The following AMER2 variants were observed in gnomAD, a reference collection of about 807,000 sequenced individuals.
AMER2 encodes APC membrane recruitment protein 2.
A neutral mutation model predicts 4.7 loss-of-function variants in AMER2; 1 was observed. That is an observed-to-expected ratio of 0.21 (90% confidence interval 0.07 to 1.00). AMER2 has a LOEUF of 1.00. Ranked by LOEUF, AMER2 falls within the 50% of genes least tolerant of loss-of-function variation. AMER2 has a pLI of 0.60. For missense variants in AMER2, 988 were observed against 966.9 expected (o/e 1.02, Z -0.29); for synonymous variants, 485 against 433.3 (o/e 1.12, Z -1.48).
At position 25,162,875 on chromosome 13, in the gene AMER2, A is replaced by G. The variant is rs1956425576; in HGVS notation, c.*6729T>C. The G allele has an allele frequency of 6.6e-6, 1 of 152,214 alleles. No individual in the cohort carries two copies. The highest frequency in any genetic ancestry group is 1.5e-5 in the Non-Finnish European group (1 of 68,030). The allele number at this position is 152,214 out of a possible 1,614,324, so 9.4% of individuals were successfully genotyped here. The stretch of plus-strand genomic sequence containing the variant: ...GTTCTTGTGAAGAGTAAAGATAACA[A>G]TGTAAAAAAAGCACACAGCATCCTC... On this transcript the variant is annotated 3_prime_UTR_variant, in exon 1 of 1. Transcript: ENST00000515384.
chr13:25,165,473 T>C lies in AMER2; in HGVS notation c.*4131A>G, dbSNP rs1459748000. 1.3e-5 allele frequency: 2 copies of C among 152,238 alleles called. No individual in the cohort carries two copies. Among genetic ancestry groups the C allele is most frequent in the African/African-American group, 4.8e-5 (2 of 41,458 alleles). 9.4% of individuals were successfully genotyped at this position (152,238 alleles called of 1,614,324 possible). ...TTGGTTCCAAACTGCTTCATAAATA[T>C]TTTTGTGTGTAATGAATTGAAATTT... On this transcript the variant is annotated 3_prime_UTR_variant, in exon 1 of 1. Transcript: ENST00000515384.
At position 25,171,511 on chromosome 13, in the gene AMER2, C is replaced by G. The variant is rs753516298; in HGVS notation, c.109G>C (p.Gly37Arg). 4.4e-6 allele frequency: 7 copies of G among 1,601,158 alleles called. No individual in the cohort carries two copies. Among genetic ancestry groups the G allele is most frequent in the Admixed American group, 3.4e-5 (2 of 59,352 alleles). The change falls in exon 1 of 1, where the codon GGG becomes CGG. Residue 37 changes from glycine to arginine, a missense_variant. Coordinates refer to ENST00000515384, the MANE Select transcript of AMER2 (RefSeq NM_152704.4). The surrounding 1 kb of genome is among the most constrained non-coding windows in gnomAD (Gnocchi z 5.9). ...AAGTCCATGTCTGCCGCGAGGGTCC[C>G]GGTCCCGGCCCCGGCCTCCGCCTTC... ...RRKAEAGAGT[G>R]TLAADMDLHC...
chr13:25,171,655 T>C lies in AMER2; in HGVS notation c.-36A>G, dbSNP rs758111613. ...CGGGATAAGCCGCTTTCGTCAGCAGTGGGCTCGCGCCAGGCCACTGTCACC... is the reference window on the plus strand; with the variant it reads ...CGGGATAAGCCGCTTTCGTCAGCAGCGGGCTCGCGCCAGGCCACTGTCACC... On this transcript the variant is annotated 5_prime_UTR_variant, in exon 1 of 1. Coordinates refer to ENST00000515384, the MANE Select transcript of AMER2 (RefSeq NM_152704.4). This position sits in a 1 kb window ranked among gnomAD's most constrained non-coding sequence, Gnocchi z 5.9. The C allele has an allele frequency of 3.5e-6, 5 of 1,444,012 alleles. No homozygotes were observed. The highest frequency in any genetic ancestry group is 3.6e-6 in the Non-Finnish European group (4 of 1,110,094). 89.4% of individuals were successfully genotyped at this position (1,444,012 alleles called of 1,614,324 possible).
chr13:25,171,239 G>A lies in AMER2; in HGVS notation c.381C>T (p.Gly127=), dbSNP rs1470088942. The A allele has an allele frequency of 1.2e-5, 16 of 1,390,784 alleles. No homozygotes were observed. The highest frequency in any genetic ancestry group is 1.2e-5 in the Non-Finnish European group (13 of 1,075,150). 86.2% of individuals were successfully genotyped at this position (1,390,784 alleles called of 1,614,324 possible). The change falls in exon 1 of 1, where the codon GGC becomes GGT. Residue 127 remains glycine, a synonymous_variant. Coordinates refer to ENST00000515384, the MANE Select transcript of AMER2 (RefSeq NM_152704.4). This position sits in a 1 kb window ranked among gnomAD's most constrained non-coding sequence, Gnocchi z 5.9. ...GCCCCCCGCCGCCCCCGCCGCTGTCGCCCCCGCCGCGCGGCTCCTCCTTCC... is the reference window on the plus strand; with the variant it reads ...GCCCCCCGCCGCCCCCGCCGCTGTCACCCCCGCCGCGCGGCTCCTCCTTCC... The part of the protein sequence containing the change: ...SGRKEEPRGG[G]DSGGGGGGRP...
At position 25,170,301 on chromosome 13, in the gene AMER2, C is replaced by T; in HGVS notation, c.1319G>A (p.Trp440Ter). 6.2e-7 allele frequency: 1 copy of T among 1,613,804 alleles called. No homozygotes were observed. Residue 440 changes from tryptophan (W) to a stop codon, truncating the protein, a stop_gained, in exon 1 of 1, where the codon TGG (tryptophan) becomes TAG (stop). Transcript: ENST00000515384. LOFTEE classifies it low-confidence loss of function (END_TRUNC). The surrounding 1 kb of genome is among the most constrained non-coding windows in gnomAD (Gnocchi z 7.3). ...EVDDTYLQEF[W>*]DMLSQTEEQG... Reference sequence around the variant, plus strand: ...CTCCTCGGTCTGGGAGAGCATGTCCCAGAACTCCTGTAGATAGGTGTCGTC... The same window carrying T: ...CTCCTCGGTCTGGGAGAGCATGTCCTAGAACTCCTGTAGATAGGTGTCGTC...
In AMER2 at chr13:25,162,782, A is replaced by G. The variant is rs537397792; in HGVS notation, c.*6822T>C. ...AAAACGTATCTTCTCACATAGAGCA[A>G]AAGTTATTCTACTCGATTATTGAAG... On this transcript the variant is annotated 3_prime_UTR_variant, in exon 1 of 1. Transcript: ENST00000515384. 2.7e-4 allele frequency: 41 copies of G among 152,364 alleles called. No individual in the cohort carries two copies. The highest frequency in any genetic ancestry group is 9.4e-4 in the African/African-American group (39 of 41,594). 9.4% of individuals were successfully genotyped at this position (152,364 alleles called of 1,614,324 possible).
In AMER2 at chr13:25,170,657, C is replaced by T; in HGVS notation, c.963G>A (p.Arg321=). 6.4e-7 allele frequency: 1 copy of T among 1,550,834 alleles called. No individual in the cohort carries two copies. The highest frequency in any genetic ancestry group is 8.7e-7 in the Non-Finnish European group (1 of 1,147,024). Residue 321 remains arginine (R), a synonymous_variant, in exon 1 of 1, where the codon AGG becomes AGA. Coordinates refer to ENST00000515384, the MANE Select transcript of AMER2 (RefSeq NM_152704.4). This position sits in a 1 kb window ranked among gnomAD's most constrained non-coding sequence, Gnocchi z 7.3. ...GEVRTAEDAS[R]TGAVPVKTVP... ...CCGTCTTTACGGGAACGGCCCCCGT[C>T]CTGGAAGCGTCCTCTGCCGTGCGGA...
rs1956538396 is a variant in AMER2, at chr13:25,170,187, C to G, written c.1433G>C (p.Cys478Ser). The change falls in exon 1 of 1, where the codon TGT (cysteine) becomes TCT (serine). Residue 478 changes from cysteine (C) to serine (S), a missense_variant. Transcript: ENST00000515384. This position sits in a 1 kb window ranked among gnomAD's most constrained non-coding sequence, Gnocchi z 7.3. ...VVPETPKDTRCVEAAKDASSV... is the reference protein window; with the variant it reads ...VVPETPKDTRSVEAAKDASSV... ...GGACGCGTCCTTGGCCGCTTCCACA[C>G]ACCTGGTGTCTTTGGGGGTCTCGGG... 6.2e-7 allele frequency: 1 copy of G among 1,613,152 alleles called. No homozygotes were observed. The highest frequency in any genetic ancestry group is 1.7e-5 in the Admixed American group (1 of 59,920).
chr13:25,163,603 C>T lies in AMER2; in HGVS notation c.*6001G>A, dbSNP rs527341070. ...GCCAGTCACAGAAGGACAAATACTG[C>T]GCGTTTCCACTTCTATAAGGGATCT... On this transcript the variant is annotated 3_prime_UTR_variant, in exon 1 of 1. Transcript: ENST00000515384. The T allele has an allele frequency of 2.6e-5, 4 of 151,388 alleles. No individual in the cohort carries two copies. The highest frequency in any genetic ancestry group is 2.1e-4 in the South Asian group (1 of 4,748). The allele number at this position is 151,388 out of a possible 1,614,324, so 9.4% of individuals were successfully genotyped here.
Position 25,170,783 on chromosome 13 carries a change from C to G in AMER2, c.837G>C (p.Arg279=). The G allele has an allele frequency of 7.3e-7, 1 of 1,370,734 alleles. No individual in the cohort carries two copies. Among genetic ancestry groups the G allele is most frequent in the Non-Finnish European group, 9.3e-7 (1 of 1,071,228 alleles). The allele number at this position is 1,370,734 out of a possible 1,614,324, so 84.9% of individuals were successfully genotyped here. A position where few individuals can be genotyped will look rare whatever the true frequency, so the allele number is the denominator to read the frequency against. ...CGAGGCCCTCTGCCTCTCGGCAGCT[C>G]CGCGCTGGGGCGCGGTCGGCGGGGG... The part of the protein sequence containing the change: ...VPAPADRAPA[R]SCREAEGLAH... The change falls in exon 1 of 1, where the codon CGG becomes CGC. Residue 279 remains arginine (R), a synonymous_variant. Coordinates refer to ENST00000515384, the MANE Select transcript of AMER2 (RefSeq NM_152704.4). The surrounding 1 kb of genome is among the most constrained non-coding windows in gnomAD (Gnocchi z 7.3).
Position 25,171,460 on chromosome 13 carries a change from G to T in AMER2, c.160C>A (p.Pro54Thr). The part of the protein sequence containing the change: ...DLHCDCAAET[P>T]AAEPPSGKIN... ...TTCCCCGACGGCGGCTCGGCGGCCG[G>T]CGTTTCGGCGGCACAGTCACAATGC... is the stretch of plus-strand genomic sequence containing the variant. Residue 54 changes from proline to threonine, a missense_variant, in exon 1 of 1, where the codon CCG becomes ACG. Pro to Thr is a conservative substitution (Grantham distance 38, BLOSUM62 -1). Transcript: ENST00000515384. The surrounding 1 kb of genome is among the most constrained non-coding windows in gnomAD (Gnocchi z 5.9). The T allele has an allele frequency of 6.2e-7, 1 of 1,610,738 alleles. No individual in the cohort carries two copies.
chr13:25,167,107 T>G lies in AMER2; in HGVS notation c.*2497A>C, dbSNP rs1956488777. ...ATAAAGAGGAGACACAGCATAATGG[T>G]GTAAATGGAGGATTAAGTCCTAAAA... On this transcript the variant is annotated 3_prime_UTR_variant, in exon 1 of 1. Coordinates refer to ENST00000515384, the MANE Select transcript of AMER2 (RefSeq NM_152704.4). 1 of 152,196 alleles carries G rather than the reference T, an allele frequency of 6.6e-6. No homozygotes were observed. The highest frequency in any genetic ancestry group is 2.1e-4 in the South Asian group (1 of 4,832). 9.4% of individuals were successfully genotyped at this position (152,196 alleles called of 1,614,324 possible).
At position 25,167,139 on chromosome 13, in the gene AMER2, A is replaced by G. The variant is rs1465032882; in HGVS notation, c.*2465T>C. The G allele has an allele frequency of 6.6e-6, 1 of 152,170 alleles. No individual in the cohort carries two copies. Among genetic ancestry groups the G allele is most frequent in the Non-Finnish European group, 1.5e-5 (1 of 68,014 alleles). 9.4% of individuals were successfully genotyped at this position (152,170 alleles called of 1,614,324 possible). A position where few individuals can be genotyped will look rare whatever the true frequency, so the allele number is the denominator to read the frequency against. ...GGAGGATTAAGTCCTAAAATTATGAAAGCAAAAACTTTTCTTCTACTGCTT... is the reference window on the plus strand; with the variant it reads ...GGAGGATTAAGTCCTAAAATTATGAGAGCAAAAACTTTTCTTCTACTGCTT... On this transcript the variant is annotated 3_prime_UTR_variant, in exon 1 of 1. Transcript: ENST00000515384.
Position 25,170,867 on chromosome 13 carries a change from G to T in AMER2, c.753C>A (p.Pro251=). Reference sequence around the variant, plus strand: ...CTGGGTCTCGCGGGGCGTCCTGGCTGGGCTCCTCCGGCTCGCGCGCGGCTC... The same window carrying T: ...CTGGGTCTCGCGGGGCGTCCTGGCTTGGCTCCTCCGGCTCGCGCGCGGCTC... The part of the protein sequence containing the change: ...TPRAAREPEE[P]SQDAPRDPAG... Residue 251 remains proline, a synonymous_variant, in exon 1 of 1, where the codon CCC becomes CCA. Transcript: ENST00000515384. The surrounding 1 kb of genome is among the most constrained non-coding windows in gnomAD (Gnocchi z 7.3). 6.9e-7 allele frequency: 1 copy of T among 1,456,122 alleles called. No homozygotes were observed. The highest frequency in any genetic ancestry group is 1.4e-5 in the South Asian group (1 of 69,154). The allele number at this position is 1,456,122 out of a possible 1,614,324, so 90.2% of individuals were successfully genotyped here.
chr13:25,170,980 C>G lies in AMER2; in HGVS notation c.640G>C (p.Ala214Pro), dbSNP rs577045065. 99 of 1,553,506 alleles carry G rather than the reference C, an allele frequency of 6.4e-5. No individual in the cohort carries two copies. The highest frequency in any genetic ancestry group is 8.1e-5 in the Non-Finnish European group (93 of 1,151,686). ...CCCCCGGGCGCGCGCCCCTCCGCGG[C>G]CTCCGCCTTGGCCCGCTTGTCTTTC... ...HRKDKRAKAE[A>P]AEGRAPGGGL... The change falls in exon 1 of 1, where the codon GCC becomes CCC. Residue 214 changes from alanine to proline, a missense_variant. Physicochemically the swap from Ala to Pro is conservative, Grantham distance 27. Transcript: ENST00000515384. The surrounding 1 kb of genome is among the most constrained non-coding windows in gnomAD (Gnocchi z 7.3).
Position 25,168,462 on chromosome 13 carries a change from G to C in AMER2, c.*1142C>G, listed in dbSNP as rs1169902019. Reference sequence around the variant, plus strand: ...AATCTGAAAACAGGGTTTGGGGTGAGAAACAGACTCTTACCCAAAACAAGG... The same window carrying C: ...AATCTGAAAACAGGGTTTGGGGTGACAAACAGACTCTTACCCAAAACAAGG... On this transcript the variant is annotated 3_prime_UTR_variant, in exon 1 of 1. Coordinates refer to ENST00000515384, the MANE Select transcript of AMER2 (RefSeq NM_152704.4). The C allele has an allele frequency of 6.6e-6, 1 of 150,746 alleles. No individual in the cohort carries two copies. The highest frequency in any genetic ancestry group is 1.5e-5 in the Non-Finnish European group (1 of 67,810). 9.3% of individuals were successfully genotyped at this position (150,746 alleles called of 1,614,324 possible).
rs757589258 is a variant in AMER2 at position 25,170,218 on chromosome 13, C to T, written c.1402G>A (p.Val468Met). 38 of 1,612,386 alleles carry T rather than the reference C, an allele frequency of 2.4e-5. No homozygotes were observed. Among genetic ancestry groups the T allele is most frequent in the Admixed American group, 8.4e-5 (5 of 59,782 alleles). The change falls in exon 1 of 1, where the codon GTG (valine) becomes ATG (methionine). Residue 468 changes from valine to methionine, a missense_variant. Val to Met is a conservative substitution (Grantham distance 21). Coordinates refer to ENST00000515384, the MANE Select transcript of AMER2 (RefSeq NM_152704.4). This position sits in a 1 kb window ranked among gnomAD's most constrained non-coding sequence, Gnocchi z 7.3. ...GTGTCTTTGGGGGTCTCGGGCACCA[C>T]CTTGGTTTCCAGCGCAGCTGCCACC... Reference protein sequence around the residue: ...AKVAAALETKVVPETPKDTRC... With the variant: ...AKVAAALETKMVPETPKDTRC...
Position 25,169,236 on chromosome 13 carries a change from G to A in AMER2, c.*368C>T. On this transcript the variant is annotated 3_prime_UTR_variant, in exon 1 of 1. Coordinates refer to ENST00000515384, the MANE Select transcript of AMER2 (RefSeq NM_152704.4). This position sits in a 1 kb window ranked among gnomAD's most constrained non-coding sequence, Gnocchi z 4.2. ...GACACTGGCTTATCCCAATATCCAG[G>A]CATGACTCTTACTTAGGTTTGGCTA... The A allele has an allele frequency of 5.9e-6, 1 of 168,650 alleles. No individual in the cohort carries two copies. The highest frequency in any genetic ancestry group is 1.3e-5 in the Non-Finnish European group (1 of 79,286). 10.4% of individuals were successfully genotyped at this position (168,650 alleles called of 1,614,324 possible).
Position 25,170,073 on chromosome 13 carries a change from C to A in AMER2, c.1547G>T (p.Gly516Val). The change falls in exon 1 of 1, where the codon GGC (glycine) becomes GTC (valine). Residue 516 changes from glycine to valine, a missense_variant. By Grantham distance (109) the Gly-to-Val change is moderately radical. Transcript: ENST00000515384. This position sits in a 1 kb window ranked among gnomAD's most constrained non-coding sequence, Gnocchi z 7.3. ...GTAGCCCTCGTCGCTGTTGGGGACGCCTTCCTGCTGCTCCTTCTCCGGGTG... is the reference window on the plus strand; with the variant it reads ...GTAGCCCTCGTCGCTGTTGGGGACGACTTCCTGCTGCTCCTTCTCCGGGTG... ...PKHPEKEQQE[G>V]VPNSDEGYWD... 1 of 1,614,028 alleles carries A rather than the reference C, an allele frequency of 6.2e-7. No individual in the cohort carries two copies. The highest frequency in any genetic ancestry group is 8.5e-7 in the Non-Finnish European group (1 of 1,180,004).
Sources: gnomAD v4.1 joint callset for allele counts on GRCh38, gnomAD v4.1.1 for gene constraint, Gnocchi (gnomAD v3.1) non-coding constraint, MANE v1.5 for transcripts, NCBI Gene and HGNC (gene_info 2026-07-23, HGNC 2026-07-21) for gene names.